PGM2L1: variants seen among roughly 807,000 people sequenced by gnomAD.
PGM2L1 encodes glucose 1,6-bisphosphate synthase.
Under a neutral mutation model 73.4 loss-of-function variants are expected in PGM2L1, and 35 were observed. That is an observed-to-expected ratio of 0.48 (90% CI 0.36 to 0.63). The LOEUF is 0.63. PGM2L1 is among the 30% of genes least tolerant of loss of function. The pLI, the probability that PGM2L1 is intolerant of heterozygous loss-of-function variation, is 0.00. For synonymous variants in PGM2L1, 225 were observed against 253.8 expected (o/e 0.89, Z 1.08); for missense variants, 570 against 742.0 (o/e 0.77, Z 2.69).
intron 6 of PGM2L1, among the ~76,000 whole-genome samples, chr11:74,349,239 T>C (rs977049968): frequency 1.3e-5 from 2 of 152,358 alleles, no homozygotes; most frequent in Middle Eastern, 3.4e-3. Flanking sequence ...CATTTATTGA[T>C]TTTCAGAAGG....
intron 5 of PGM2L1, among the ~76,000 whole-genome samples, chr11:74,361,974 G>T (rs1862571618): frequency 6.6e-6 from 1 of 152,152 alleles, no homozygotes; most frequent in Non-Finnish European, 1.5e-5. Context: ...AAAACACTCT[G>T]CAGGATATTA....
chr11:74,339,061 A>G (rs1862142442), intron 12 of PGM2L1, among the ~76,000 whole-genome samples: 1 of 152,214 alleles, frequency 6.6e-6, no homozygotes, highest in Admixed American at 6.5e-5. Context: ...CTGGGCCTCA[A>G]CAATAATCCT....
chr11:74,347,456 G>A, intron 6 of PGM2L1, 119 bp from the exon 7 acceptor site: 1 of 790,704 alleles, frequency 1.3e-6, no homozygotes, highest in Non-Finnish European at 1.8e-6. Flanking sequence ...CTTCAGCAGA[G>A]GTCTAAGATA....
In PGM2L1 at chr11:74,345,452, ATAT is replaced by A; in HGVS notation, c.1218+14_1218+16del. The A allele has an allele frequency of 6.3e-7, 1 of 1,585,438 alleles. No individual in the cohort carries two copies. The highest frequency in any genetic ancestry group is 8.6e-7 in the Non-Finnish European group (1 of 1,157,056). On this transcript the variant is annotated intron_variant, in intron 9 of 13. Transcript: ENST00000298198. ...ATAGGTTTTAAAAAGTAGCACACAG[ATAT>A]TATTGATTCTTACTTCAAAATGAAA...
chr11:74,396,941 T>C (rs1214679999), intron 1 of PGM2L1, among the ~76,000 whole-genome samples: 2 of 152,228 alleles, frequency 1.3e-5, no homozygotes, highest in East Asian at 1.9e-4. Context: ...CTGAGGCTTG[T>C]TGAGGGCAGG....
In PGM2L1 at chr11:74,330,527, A is replaced by T. The variant is rs1861995201; in HGVS notation, c.*6125T>A. 6.6e-6 allele frequency: 1 copy of T among 152,632 alleles called. No individual in the cohort carries two copies. Among genetic ancestry groups the T allele is most frequent in the Non-Finnish European group, 1.5e-5 (1 of 68,034 alleles). The allele number at this position is 152,632 out of a possible 1,614,324, so 9.5% of individuals were successfully genotyped here. A position where few individuals can be genotyped will look rare whatever the true frequency, so the allele number is the denominator to read the frequency against. On this transcript the variant is annotated 3_prime_UTR_variant, in exon 14 of 14. Transcript: ENST00000298198. ...TGCTACACACTTTAGTCAGAAAAAT[A>T]ATTCATTCTTGACTGCATAAATTTT...
rs192607696 is a variant in PGM2L1 at position 74,332,426 on chromosome 11, T to C, written c.*4226A>G. On this transcript the variant is annotated 3_prime_UTR_variant, in exon 14 of 14. Coordinates refer to ENST00000298198, the MANE Select transcript of PGM2L1 (RefSeq NM_173582.6). ...AAATATAATGACAACATTAACAAAATAACCAAAGGTCCATAGGCAAATGTA... is the reference window on the plus strand; with the variant it reads ...AAATATAATGACAACATTAACAAAACAACCAAAGGTCCATAGGCAAATGTA... 7.9e-5 allele frequency: 12 copies of C among 152,598 alleles called. No individual in the cohort carries two copies. The highest frequency in any genetic ancestry group is 2.6e-4 in the African/African-American group (11 of 41,550). The allele number at this position is 152,598 out of a possible 1,614,324, so 9.5% of individuals were successfully genotyped here.
chr11:74,354,523 T>A, intron 5 of PGM2L1: 1 of 1,253,986 alleles, frequency 8.0e-7, no homozygotes, highest in East Asian at 2.3e-5. Flanking sequence ...AAACAACCGA[T>A]GAGAGCCTGA....
At chr11:74,369,542 A>G (rs564574836) in intron 4 of PGM2L1, among the ~76,000 whole-genome samples, 1 of 152,300 alleles carries the variant, frequency 6.6e-6, no homozygotes, top group East Asian at 1.9e-4. Context: ...AGGAAGTGAC[A>G]CCAACAAAAA....
At chr11:74,372,220 T>C (rs146573664) in intron 2 of PGM2L1, among the ~76,000 whole-genome samples, 10 of 152,266 alleles carry the variant, frequency 6.6e-5, no homozygotes, top group Admixed American at 2.0e-4. Flanking sequence ...CTTAAGTCCT[T>C]GCTAGATCAT....
rs1591161661 is a variant in PGM2L1 at position 74,336,412 on chromosome 11, T to C, written c.*240A>G. 3.4e-6 allele frequency: 1 copy of C among 293,318 alleles called. No individual in the cohort carries two copies. Among genetic ancestry groups the C allele is most frequent in the Non-Finnish European group, 6.3e-6 (1 of 158,446 alleles). 18.2% of individuals were successfully genotyped at this position (293,318 alleles called of 1,614,324 possible). On this transcript the variant is annotated 3_prime_UTR_variant, in exon 14 of 14. Transcript: ENST00000298198. Reference sequence around the variant, plus strand: ...GGACAATACGTTACTATAATACTTTTAGTGTAATAACTTTTGTTTGAATTA... The same window carrying C: ...GGACAATACGTTACTATAATACTTTCAGTGTAATAACTTTTGTTTGAATTA...
intron 5 of PGM2L1, chr11:74,355,457 G>GA (rs1862429266): frequency 3.5e-6 from 1 of 289,182 alleles, no homozygotes; most frequent in South Asian, 2.3e-5. Context: ...GGGAGGCTGA[G>GA]GCAGGAGAAT....
intron 5 of PGM2L1, among the ~76,000 whole-genome samples, chr11:74,352,780 G>GA (rs1422069437): frequency 6.6e-6 from 1 of 152,078 alleles, no homozygotes; most frequent in African/African-American, 2.4e-5. Flanking sequence ...CAGGCAGTGG[G>GA]AAAAAAATAA....
At chr11:74,366,702 A>T (rs945660613) in intron 5 of PGM2L1, among the ~76,000 whole-genome samples, 1 of 152,052 alleles carries the variant, frequency 6.6e-6, no homozygotes, top group African/African-American at 2.4e-5. Context: ...GCTATGTTGG[A>T]GGAGCTGGAG....
At chr11:74,362,151 A>G (rs1591179060) in intron 5 of PGM2L1, among the ~76,000 whole-genome samples, 1 of 152,184 alleles carries the variant, frequency 6.6e-6, no homozygotes, top group African/African-American at 2.4e-5. Context: ...CCAGAGAGAA[A>G]AGTTGGGTTA....
intron 1 of PGM2L1, among the ~76,000 whole-genome samples, chr11:74,390,659 G>A (rs1052263210): frequency 3.5e-4 from 53 of 152,210 alleles, no homozygotes; most frequent in African/African-American, 1.2e-3. Context: ...AAAAGAACTG[G>A]AGGAAGGGAT....
intron 9 of PGM2L1, 100 bp from the exon 10 acceptor site, chr11:74,343,516 C>A: frequency 6.7e-7 from 1 of 1,500,592 alleles, no homozygotes. Flanking sequence ...ATATAATGAT[C>A]CTTACTATAG....
chr11:74,336,587 TG>T lies in PGM2L1; in HGVS notation c.*64del. ...GAGAGAATGCTAACACAAGGTTCAA[TG>T]TATGCAGTTCTCGGTTGCTCTGTTC... is the stretch of plus-strand genomic sequence containing the variant. On this transcript the variant is annotated 3_prime_UTR_variant, in exon 14 of 14. Coordinates refer to ENST00000298198, the MANE Select transcript of PGM2L1 (RefSeq NM_173582.6). 1.0e-6 allele frequency: 1 copy of T among 988,416 alleles called. No individual in the cohort carries two copies. Among genetic ancestry groups the T allele is most frequent in the East Asian group, 2.6e-5 (1 of 38,814 alleles). 61.2% of individuals were successfully genotyped at this position (988,416 alleles called of 1,614,324 possible). A position where few individuals can be genotyped will look rare whatever the true frequency, so the allele number is the denominator to read the frequency against.
intron 1 of PGM2L1, among the ~76,000 whole-genome samples, chr11:74,376,054 G>A (rs762845890): frequency 6.6e-6 from 1 of 152,152 alleles, no homozygotes; most frequent in African/African-American, 2.4e-5. Context: ...TGTAAACTGG[G>A]ATAGTCTTTT....
Sources: gnomAD v4.1 joint callset for allele counts (sites outside exome capture counted in the v4.1 genomes callset) on GRCh38, gnomAD v4.1.1 for gene constraint, MANE v1.5 for transcripts, NCBI Gene and HGNC (gene_info 2026-07-23, HGNC 2026-07-21) for gene names.